Variants in RHD observed in about 807,000 individuals in gnomAD.
RHD encodes Rh blood group D antigen, also known as blood group Rh(D) polypeptide.
A neutral mutation model predicts 45.5 loss-of-function variants in RHD; 16 were observed. The observed-to-expected ratio is 0.35, with a 90% CI of 0.24 to 0.53. RHD has a LOEUF of 0.53. Among genes scored for constraint, RHD ranks in the 20% least tolerant of loss-of-function variants. RHD has a pLI of 0.92. For missense variants in RHD, 306 were observed against 532.0 expected (o/e 0.58, Z 4.18); for synonymous variants, 131 against 217.5 (o/e 0.60, Z 3.50).
chr1:25,288,972 C>T (rs1328562215), intron 2 of RHD, among the ~76,000 whole-genome samples: 8 of 134,158 alleles, frequency 6.0e-5, no homozygotes, highest in Admixed American at 5.8e-4. Context: ...CTGACCTTCC[C>T]CTAAAGTCCT....
In RHD at chr1:25,319,391, G is replaced by A. The variant is rs771998020; in HGVS notation, c.1153+2312G>A. 3.0e-5 allele frequency among the ~76,000 whole-genome samples: 4 copies of A among 132,158 alleles called. 1 individual carries two copies. Among genetic ancestry groups the A allele is most frequent in the African/African-American group, 5.1e-5 (2 of 38,866 alleles). The allele number at this position is 132,158 out of a possible 152,430, so 86.7% of individuals were successfully genotyped here. On this transcript the variant is annotated intron_variant, in intron 8 of 9. Transcript: ENST00000328664. ...AGCACCTTGGGAAGCTGAGGTGGGA[G>A]AATAGCTTGAGGCCAGGAGTTCAAG...
At chr1:25,322,375 T>C (rs1180128626) in intron 9 of RHD, among the ~76,000 whole-genome samples, 1 of 132,820 alleles carries the variant, frequency 7.5e-6, no homozygotes, top group African/African-American at 2.6e-5. Flanking sequence ...ACATGACTTA[T>C]CAAGATCTTA....
Position 25,284,754 on chromosome 1 carries a change from G to A in RHD, c.330G>A (p.Leu110=), listed in dbSNP as rs370729977. 1.7e-5 allele frequency: 24 copies of A among 1,388,656 alleles called. 5 individuals are homozygous for A. Among genetic ancestry groups the A allele is most frequent in the African/African-American group, 1.7e-4 (12 of 71,322 alleles). The allele number at this position is 1,388,656 out of a possible 1,614,324, so 86.0% of individuals were successfully genotyped here. A position where few individuals can be genotyped will look rare whatever the true frequency, so the allele number is the denominator to read the frequency against. ...CTTCTGGGAAGGTGGTCATCACACT[G>A]TTCAGGTATTGGGATGGTGGCTGGA... The part of the protein sequence containing the change: ...QFPSGKVVIT[L]FSIRLATMSA... The change falls in exon 2 of 10, where the codon CTG becomes CTA. Residue 110 remains leucine (L), a synonymous_variant. Coordinates refer to ENST00000328664, the MANE Select transcript of RHD (RefSeq NM_016124.6).
rs116451902 is a variant in RHD, at chr1:25,308,609, A to G, written c.1073+1880A>G. Among the ~76,000 whole-genome samples the G allele has an allele frequency of 3.9e-4, 52 of 132,124 alleles. 10 individuals are homozygous for G. The highest frequency in any genetic ancestry group is 1.3e-3 in the African/African-American group (48 of 38,382). The allele number at this position is 132,124 out of a possible 152,430, so 86.7% of individuals were successfully genotyped here. A position where few individuals can be genotyped will look rare whatever the true frequency, so the allele number is the denominator to read the frequency against. On this transcript the variant is annotated intron_variant, in intron 7 of 9. Transcript: ENST00000328664. The stretch of plus-strand genomic sequence containing the variant: ...ACTGAGTTCAAGCTGTCAAGGAGAC[A>G]TCACTATACATGGACTTGGGAAGAG...
rs114582484 is a variant in RHD, at chr1:25,283,634, C to T, written c.149-939C>T. ...AAAATGGTGACAGTAACAGCACCCA[C>T]GTCAAAGTGTGGTTGTGAGAACGAA... is the stretch of plus-strand genomic sequence containing the variant. On this transcript the variant is annotated intron_variant, in intron 1 of 9. Coordinates refer to ENST00000328664, the MANE Select transcript of RHD (RefSeq NM_016124.6). Among the ~76,000 whole-genome samples the T allele has an allele frequency of 1.8e-4, 23 of 124,460 alleles. 3 individuals carry two copies. Among genetic ancestry groups the T allele is most frequent in the African/African-American group, 3.8e-4 (14 of 36,618 alleles). The allele number at this position is 124,460 out of a possible 152,430, so 81.7% of individuals were successfully genotyped here.
Position 25,322,490 on chromosome 1 carries a change from T to A in RHD, c.1227+528T>A, listed in dbSNP as rs1337875672. Among the ~76,000 whole-genome samples the A allele has an allele frequency of 2.3e-5, 3 of 132,262 alleles. 1 individual carries two copies. The highest frequency in any genetic ancestry group is 5.4e-5 in the Non-Finnish European group (3 of 55,748). 86.8% of individuals were successfully genotyped at this position (132,262 alleles called of 152,430 possible). ...GAGTTCGAGACCAGCCTGGCCAACG[T>A]GTCGAAACCCCATCTCTACTAAAAA... On this transcript the variant is annotated intron_variant, in intron 9 of 9. Transcript: ENST00000328664.
chr1:25,318,163 A>G (rs28689927), intron 8 of RHD: 36,110 of 129,552 alleles, frequency 0.28, 12,103 homozygotes, highest in Middle Eastern at 0.59. Context: ...CTCTACTAAA[A>G]ATTAAAAAAT....
intron 2 of RHD, among the ~76,000 whole-genome samples, chr1:25,285,895 A>G (rs1641944254): frequency 1.5e-5 from 2 of 134,476 alleles, no homozygotes; most frequent in African/African-American, 5.2e-5. Context: ...GACCCTGCTA[A>G]ACCTCTGGGC....
chr1:25,316,616 CAGA>C (rs1457024190), intron 7 of RHD, among the ~76,000 whole-genome samples: 1 of 43,148 alleles, frequency 2.3e-5, no homozygotes, highest in African/African-American at 7.7e-5. Context: ...CAAACAAAAA[CAGA>C]AAAAAAAAAA....
chr1:25,308,335 C>T (rs1486868951), intron 7 of RHD, among the ~76,000 whole-genome samples: 1 of 111,472 alleles, frequency 9.0e-6, no homozygotes, highest in Non-Finnish European at 2.1e-5. Flanking sequence ...GCAAGCCCTA[C>T]CTACGGCCCC....
chr1:25,277,979 G>A (rs1641163136), intron 1 of RHD, among the ~76,000 whole-genome samples: 1 of 132,630 alleles, frequency 7.5e-6, no homozygotes, highest in African/African-American at 2.6e-5. Context: ...TGGCCCAAAA[G>A]CTTTAATTTC....
chr1:25,282,350 T>TCA lies in RHD; in HGVS notation c.149-2223_149-2222insCA, dbSNP rs1273748287. Among the ~76,000 whole-genome samples, 59 of 131,516 alleles carry TCA rather than the reference T, an allele frequency of 4.5e-4. 7 individuals carry two copies. The highest frequency in any genetic ancestry group is 2.9e-3 in the East Asian group (15 of 5,096). 86.3% of individuals were successfully genotyped at this position (131,516 alleles called of 152,430 possible). ...CCCGGGTTCAAGCGATTCTCCTGCC[T>TCA]GCCTCCCGAGTAGCTGGGATTACAG... is the stretch of plus-strand genomic sequence containing the variant. On this transcript the variant is annotated intron_variant, in intron 1 of 9. Transcript: ENST00000328664.
rs1177589774 is a variant in RHD at position 25,276,519 on chromosome 1, C to A, written c.148+3824C>A. Among the ~76,000 whole-genome samples, 67 of 5,878 alleles carry A rather than the reference C, an allele frequency of 0.011. 11 individuals are homozygous for A. The South Asian group carries it at 0.6, about 53-fold the overall frequency. The allele number at this position is 5,878 out of a possible 152,430, so 3.9% of individuals were successfully genotyped here. On this transcript the variant is annotated intron_variant, in intron 1 of 9. Coordinates refer to ENST00000328664, the MANE Select transcript of RHD (RefSeq NM_016124.6). ...ACGAGCCTAGGAAACATAGGGAGAC[C>A]CCCCCCCATCTCTAAAAAAAAAAAA...
chr1:25,290,648 C>T lies in RHD; in HGVS notation c.343C>T (p.Leu115=), dbSNP rs1557528383. 1 of 1,378,242 alleles carries T rather than the reference C, an allele frequency of 7.3e-7. No homozygotes were observed. The highest frequency in any genetic ancestry group is 1.0e-6 in the Non-Finnish European group (1 of 977,978). The allele number at this position is 1,378,242 out of a possible 1,614,324, so 85.4% of individuals were successfully genotyped here. The change falls in exon 3 of 10, where the codon CTG becomes TTG. Residue 115 remains leucine, a synonymous_variant. Coordinates refer to ENST00000328664, the MANE Select transcript of RHD (RefSeq NM_016124.6). ...TCTCCCTCTCTCCCCCAGTATTCGG[C>T]TGGCCACCATGAGTGCTTTGTCGGT... is the stretch of plus-strand genomic sequence containing the variant. The part of the protein sequence containing the change: ...KVVITLFSIR[L]ATMSALSVLI...
rs2124081816 is a variant in RHD at position 25,315,215 on chromosome 1, A to C, written c.1074-1785A>C. Among the ~76,000 whole-genome samples, 2 of 129,948 alleles carry C rather than the reference A, an allele frequency of 1.5e-5. 1 individual carries two copies. The highest frequency in any genetic ancestry group is 4.7e-4 in the South Asian group (2 of 4,280). The allele number at this position is 129,948 out of a possible 152,430, so 85.3% of individuals were successfully genotyped here. A position where few individuals can be genotyped will look rare whatever the true frequency, so the allele number is the denominator to read the frequency against. On this transcript the variant is annotated intron_variant, in intron 7 of 9. Transcript: ENST00000328664. ...CCCCCTGATTTTTTTCCTAAAAATCACTTATTATTAGATCAATGAATTGAG... is the reference window on the plus strand; with the variant it reads ...CCCCCTGATTTTTTTCCTAAAAATCCCTTATTATTAGATCAATGAATTGAG...
intron 6 of RHD, 147 bp downstream of exon 6, chr1:25,303,606 T>C: frequency 1.1e-6 from 1 of 905,274 alleles, no homozygotes; most frequent in East Asian, 2.5e-5. Flanking sequence ...GAGGGATCCA[T>C]CCTGGCTCGG....
Position 25,281,768 on chromosome 1 carries a change from C to T in RHD, c.149-2805C>T, listed in dbSNP as rs145695649. 3.0e-5 allele frequency among the ~76,000 whole-genome samples: 4 copies of T among 131,824 alleles called. 1 individual carries two copies. The highest frequency in any genetic ancestry group is 5.2e-5 in the African/African-American group (2 of 38,514). 86.5% of individuals were successfully genotyped at this position (131,824 alleles called of 152,430 possible). On this transcript the variant is annotated intron_variant, in intron 1 of 9. Transcript: ENST00000328664. ...CTTCCTAATGCCCACTTCTCACCCACGCCCCAAATCCCCAGGTCCCATGGA... is the reference window on the plus strand; with the variant it reads ...CTTCCTAATGCCCACTTCTCACCCATGCCCCAAATCCCCAGGTCCCATGGA...
At chr1:25,276,238 G>A (rs1640947341) in intron 1 of RHD, among the ~76,000 whole-genome samples, 1 of 130,168 alleles carries the variant, frequency 7.7e-6, no homozygotes, top group Middle Eastern at 4.1e-3. Context: ...GAGGCACATT[G>A]AAATGGCATG....
rs1328277621 is a variant in RHD at position 25,277,532 on chromosome 1, C to A, written c.148+4837C>A. ...GGAGCTAGACTGATTCAAATCTTGCCTCTGTATCTTAGAGACCTTGGGCAG... is the reference window on the plus strand; with the variant it reads ...GGAGCTAGACTGATTCAAATCTTGCATCTGTATCTTAGAGACCTTGGGCAG... On this transcript the variant is annotated intron_variant, in intron 1 of 9. Coordinates refer to ENST00000328664, the MANE Select transcript of RHD (RefSeq NM_016124.6). Among the ~76,000 whole-genome samples the A allele has an allele frequency of 7.6e-5, 10 of 132,118 alleles. 1 individual carries two copies. Among genetic ancestry groups the A allele is most frequent in the Admixed American group, 5.1e-4 (7 of 13,650 alleles). The allele number at this position is 132,118 out of a possible 152,430, so 86.7% of individuals were successfully genotyped here.
Sources: allele counts gnomAD v4.1 joint callset (sites outside exome capture counted in the v4.1 genomes callset), GRCh38; gene constraint gnomAD v4.1.1; transcripts MANE v1.5; gene names NCBI Gene and HGNC (gene_info 2026-07-23, HGNC 2026-07-21).